The following GSK3B variants were observed in gnomAD, a reference collection of about 807,000 sequenced individuals.
GSK3B encodes the protein glycogen synthase kinase 3 beta.
A neutral mutation model predicts 56.4 loss-of-function variants in GSK3B; 15 were observed. The ratio of observed to expected loss-of-function variants is 0.27; its 90% CI spans 0.18 to 0.41. GSK3B has a LOEUF of 0.41. Among genes scored for constraint, GSK3B ranks in the 10% least tolerant of loss-of-function variants. GSK3B has a pLI of 1.00. For synonymous variants in GSK3B, 181 were observed against 188.9 expected (o/e 0.96, Z 0.34); for missense variants, 300 against 513.4 (o/e 0.58, Z 4.02).
intron 1 of GSK3B, among the ~76,000 whole-genome samples, chr3:120,038,022 A>T (rs935274049): frequency 6.6e-6 from 1 of 152,232 alleles, no homozygotes; most frequent in African/African-American, 2.4e-5. Flanking sequence ...TAAACAATTT[A>T]TATTAAATAT....
chr3:119,957,492 C>T (rs2057227194), intron 2 of GSK3B, among the ~76,000 whole-genome samples: 1 of 152,174 alleles, frequency 6.6e-6, no homozygotes, highest in Non-Finnish European at 1.5e-5. Context: ...ACTTAGTTTT[C>T]GGAAGCCCTA....
At chr3:119,965,372 T>A (rs1042631267) in intron 2 of GSK3B, among the ~76,000 whole-genome samples, 5 of 151,046 alleles carry the variant, frequency 3.3e-5, no homozygotes, top group Non-Finnish European at 4.4e-5. Flanking sequence ...CCATTTTTTT[T>A]TTTTATTTTT....
chr3:119,994,754 A>G (rs138473391), intron 2 of GSK3B, among the ~76,000 whole-genome samples: 15 of 152,320 alleles, frequency 9.8e-5, no homozygotes, highest in African/African-American at 1.7e-4. Flanking sequence ...ATGAAAGACA[A>G]TAAGTGAGGA....
Position 119,824,430 on chromosome 3 carries a change from C to G in GSK3B, c.*2358G>C, listed in dbSNP as rs184371124. 679 of 215,984 alleles carry G rather than the reference C, an allele frequency of 3.1e-3. 1 individual carries two copies. The highest frequency in any genetic ancestry group is 0.014 in the African/African-American group (640 of 44,478). The allele number at this position is 215,984 out of a possible 1,614,324, so 13.4% of individuals were successfully genotyped here. On this transcript the variant is annotated 3_prime_UTR_variant, in exon 11 of 11. Coordinates refer to ENST00000264235, the MANE Select transcript of GSK3B (RefSeq NM_001146156.2). Reference sequence around the variant, plus strand: ...TTTTACCCCAGTTGTGGGGGGCAACCTGTTTCCTAAAATAAGCACTGATTT... The same window carrying G: ...TTTTACCCCAGTTGTGGGGGGCAACGTGTTTCCTAAAATAAGCACTGATTT...
chr3:119,940,110 T>TGTGTGTGTGTGTGTGTG (rs572334273), intron 3 of GSK3B, among the ~76,000 whole-genome samples: 58 of 149,048 alleles, frequency 3.9e-4, no homozygotes, highest in African/African-American at 1.4e-3. Flanking sequence ...GTGTGTGTGT[T>TGTGTGTGTGTGTGTGTG]TGTGTGTGTG....
At chr3:119,918,572 A>T (rs2056805224) in intron 4 of GSK3B, among the ~76,000 whole-genome samples, 1 of 152,204 alleles carries the variant, frequency 6.6e-6, no homozygotes, top group African/African-American at 2.4e-5. Context: ...TAATTAACAC[A>T]CTTTAAAATA....
At chr3:120,003,905 G>A (rs892289129) in intron 1 of GSK3B, among the ~76,000 whole-genome samples, 1 of 152,224 alleles carries the variant, frequency 6.6e-6, no homozygotes, top group South Asian at 2.1e-4. Flanking sequence ...TGGACAGCAG[G>A]TGCAGCCCAT....
chr3:120,060,211 G>C (rs1375746323), intron 1 of GSK3B, among the ~76,000 whole-genome samples: 1 of 152,066 alleles, frequency 6.6e-6, no homozygotes, highest in African/African-American at 2.4e-5. Context: ...GTGTTAGAAG[G>C]AAAAAATATA....
chr3:119,885,217 A>G (rs1274225067), intron 7 of GSK3B, among the ~76,000 whole-genome samples: 1 of 150,852 alleles, frequency 6.6e-6, no homozygotes, highest in African/African-American at 2.5e-5. Flanking sequence ...TGAGAGCCCA[A>G]TCAACAACAC....
Position 119,823,224 on chromosome 3 carries a change from C to T in GSK3B, c.*3564G>A, listed in dbSNP as rs1377025618. ...CATTCTATTTTTCTTTCAAAAAAGG[C>T]CTTCGTGTTGGGCACACAGTAAGAA... On this transcript the variant is annotated 3_prime_UTR_variant, in exon 11 of 11. Coordinates refer to ENST00000264235, the MANE Select transcript of GSK3B (RefSeq NM_001146156.2). 8.9e-6 allele frequency: 2 copies of T among 225,296 alleles called. No individual in the cohort carries two copies. The highest frequency in any genetic ancestry group is 8.8e-6 in the Non-Finnish European group (1 of 113,102). The allele number at this position is 225,296 out of a possible 1,614,324, so 14.0% of individuals were successfully genotyped here.
intron 1 of GSK3B, among the ~76,000 whole-genome samples, chr3:120,033,357 T>C (rs2057994025): frequency 6.6e-6 from 1 of 152,210 alleles, no homozygotes; most frequent in African/African-American, 2.4e-5. Flanking sequence ...AATTGCTAGG[T>C]TATATGGTAA....
At chr3:119,946,704 G>A (rs1576220340) in intron 3 of GSK3B, among the ~76,000 whole-genome samples, 2 of 152,212 alleles carry the variant, frequency 1.3e-5, no homozygotes, top group Non-Finnish European at 2.9e-5. Flanking sequence ...GTTATTAACA[G>A]CACAAAGTCT....
At chr3:119,955,905 G>A (rs1438600081) in intron 2 of GSK3B, among the ~76,000 whole-genome samples, 5 of 151,970 alleles carry the variant, frequency 3.3e-5, no homozygotes, top group African/African-American at 9.7e-5. Context: ...CGCCTACCTC[G>A]GCCTCCCAAA....
At chr3:119,852,604 T>C (rs1430906835) in intron 9 of GSK3B, among the ~76,000 whole-genome samples, 1 of 152,146 alleles carries the variant, frequency 6.6e-6, no homozygotes, top group Non-Finnish European at 1.5e-5. Flanking sequence ...CACCCCCGCC[T>C]CCCAAAGTTC....
intron 1 of GSK3B, among the ~76,000 whole-genome samples, chr3:120,074,643 G>A (rs2058354715): frequency 6.6e-6 from 1 of 152,002 alleles, no homozygotes; most frequent in Non-Finnish European, 1.5e-5. Flanking sequence ...ACAATTACAT[G>A]CCAACAAATG....
chr3:119,916,972 G>A (rs769446489), intron 4 of GSK3B, among the ~76,000 whole-genome samples: 27 of 152,070 alleles, frequency 1.8e-4, no homozygotes, highest in Non-Finnish European at 3.1e-4. Flanking sequence ...CTTCATGGAC[G>A]AAGAGAGTAT....
intron 4 of GSK3B, among the ~76,000 whole-genome samples, chr3:119,922,678 T>C (rs2056855005): frequency 1.3e-5 from 2 of 151,802 alleles, no homozygotes; most frequent in South Asian, 4.1e-4. Context: ...TCAATGACAT[T>C]TTATTTTCTA....
intron 1 of GSK3B, among the ~76,000 whole-genome samples, chr3:120,091,311 T>G (rs991914773): frequency 2.0e-5 from 3 of 152,328 alleles, no homozygotes; most frequent in African/African-American, 7.2e-5. Flanking sequence ...TTTAAATGCT[T>G]TTAAAGTCAA....
At chr3:119,995,108 T>C (rs9871925) in intron 2 of GSK3B, among the ~76,000 whole-genome samples, 2,674 of 151,282 alleles carry the variant, frequency 0.018, 84 homozygotes, top group African/African-American at 0.062. Flanking sequence ...GGAGGATCAC[T>C]TAAGCCCAGG....
Sources: gnomAD v4.1 joint callset for allele counts (sites outside exome capture counted in the v4.1 genomes callset) on GRCh38, gnomAD v4.1.1 for gene constraint, MANE v1.5 for transcripts, NCBI Gene and HGNC (gene_info 2026-07-23, HGNC 2026-07-21) for gene names.